BBS5: variants seen among roughly 807,000 people sequenced by gnomAD.
BBS5 encodes BBSome complex member BBS5.
Under a neutral mutation model 50.2 loss-of-function variants are expected in BBS5, and 39 were observed. The ratio of observed to expected loss-of-function variants is 0.78; its 90% CI spans 0.60 to 1.01. The LOEUF (loss-of-function observed/expected upper bound fraction) is 1.01, where lower values mean the gene tolerates loss of function less well. BBS5 is among the 50% of genes least tolerant of loss of function. The pLI, the probability that BBS5 is intolerant of heterozygous loss-of-function variation, is 0.00. For synonymous variants in BBS5, 134 were observed against 133.1 expected, an observed-to-expected ratio of 1.01 and a Z score of -0.05; for missense variants, 356 against 401.5, an observed-to-expected ratio of 0.89 and a Z score of 0.97.
At chr2:169,483,376 G>A (rs928060829) in intron 2 of BBS5, among the ~76,000 whole-genome samples, 18 of 151,838 alleles carry the variant, frequency 1.2e-4, no homozygotes, top group African/African-American at 3.6e-4. Context: ...CATATGTCTC[G>A]AACTCCTGAC....
At chr2:169,489,530 T>A (rs1305603567) in intron 5 of BBS5, among the ~76,000 whole-genome samples, 1 of 151,376 alleles carries the variant, frequency 6.6e-6, no homozygotes, top group African/African-American at 2.4e-5. Flanking sequence ...GGTTTCCAAC[T>A]CCTGGGCTCA....
At chr2:169,493,621 G>A (rs1162808899) in intron 6 of BBS5, 120 bp from the exon 7 acceptor site, 4 of 740,050 alleles carry the variant, frequency 5.4e-6, no homozygotes, top group South Asian at 1.5e-5. Flanking sequence ...GAATGATGAA[G>A]TCATTGATAC....
chr2:169,506,614 A>G lies in BBS5; in HGVS notation c.*2032A>G, dbSNP rs1246558674. On this transcript the variant is annotated 3_prime_UTR_variant, in exon 12 of 12. Coordinates refer to ENST00000295240, the MANE Select transcript of BBS5 (RefSeq NM_152384.3). ...AGTCTTAGTTTTCAGACATTAAGTGACTGTATCATGTTCGGTTTAATAAAG... is the reference window on the plus strand; with the variant it reads ...AGTCTTAGTTTTCAGACATTAAGTGGCTGTATCATGTTCGGTTTAATAAAG... The G allele has an allele frequency of 1.3e-5, 2 of 152,292 alleles. No homozygotes were observed. The highest frequency in any genetic ancestry group is 1.5e-5 in the Non-Finnish European group (1 of 68,102). The allele number at this position is 152,292 out of a possible 1,614,324, so 9.4% of individuals were successfully genotyped here.
At chr2:169,497,442 C>G (rs1683712045) in intron 7 of BBS5, among the ~76,000 whole-genome samples, 185 bp from the exon 8 acceptor site, 1 of 152,096 alleles carries the variant, frequency 6.6e-6, no homozygotes, top group Admixed American at 6.5e-5. Context: ...AGTTTGCCAC[C>G]TATTTTCAGT....
At chr2:169,499,263 T>G in intron 8 of BBS5, 1 of 496,122 alleles carries the variant, frequency 2.0e-6, no homozygotes, top group Non-Finnish European at 3.6e-6. Flanking sequence ...GTTGTCCACA[T>G]GTTGCTGCTT....
intron 2 of BBS5, among the ~76,000 whole-genome samples, chr2:169,485,948 C>T (rs188066516): frequency 6.6e-6 from 1 of 152,324 alleles, no homozygotes; most frequent in East Asian, 1.9e-4. Context: ...TGTAAATAAA[C>T]CTCAGTTATC....
chr2:169,488,601 G>C (rs1683529027), intron 5 of BBS5, among the ~76,000 whole-genome samples: 1 of 152,236 alleles, frequency 6.6e-6, no homozygotes, highest in Non-Finnish European at 1.5e-5. Context: ...CCACTGACCA[G>C]TACCCATCTA....
chr2:169,498,769 T>C (rs1683743232), intron 8 of BBS5, among the ~76,000 whole-genome samples: 1 of 145,882 alleles, frequency 6.9e-6, no homozygotes, highest in Non-Finnish European at 1.5e-5. Flanking sequence ...ATCGCGCCGC[T>C]GCACTCCAGC....
Position 169,505,227 on chromosome 2 carries a change from G to A in BBS5, c.*645G>A, listed in dbSNP as rs917741218. 1.7e-5 allele frequency: 8 copies of A among 483,006 alleles called. No individual in the cohort carries two copies. The highest frequency in any genetic ancestry group is 3.1e-5 in the Non-Finnish European group (8 of 261,258). The allele number at this position is 483,006 out of a possible 1,614,324, so 29.9% of individuals were successfully genotyped here. A position where few individuals can be genotyped will look rare whatever the true frequency, so the allele number is the denominator to read the frequency against. On this transcript the variant is annotated 3_prime_UTR_variant, in exon 12 of 12. Coordinates refer to ENST00000295240, the MANE Select transcript of BBS5 (RefSeq NM_152384.3). ...CAGCCTCGGCCTCCCGAGGTGCCGG[G>A]ATTGCAGACGGAGTCTGGTTCACTT...
At chr2:169,498,552 T>G (rs1159682713) in intron 8 of BBS5, among the ~76,000 whole-genome samples, 1 of 152,138 alleles carries the variant, frequency 6.6e-6, no homozygotes, top group East Asian at 1.9e-4. Flanking sequence ...GCGCAGTGGC[T>G]CATGCTTGTA....
chr2:169,501,711 G>C (rs1279801321), intron 9 of BBS5, among the ~76,000 whole-genome samples: 1 of 151,970 alleles, frequency 6.6e-6, no homozygotes, highest in Non-Finnish European at 1.5e-5. Flanking sequence ...CCATTGCACT[G>C]CAGCAATGAC....
intron 5 of BBS5, among the ~76,000 whole-genome samples, chr2:169,492,133 C>T (rs1288891111): frequency 6.6e-6 from 1 of 151,804 alleles, no homozygotes; most frequent in African/African-American, 2.4e-5. Flanking sequence ...CTGTTTATGT[C>T]CTTTGAAAAA....
chr2:169,482,311 C>T lies in BBS5; in HGVS notation c.120C>T (p.Thr40=). ...LIDCLDSIED[T]KGNNGDRGRL... ...ATTGTTTAGATTCCATTGAAGACAC[C>T]AAAGGAAATAATGGAGATAGAGGTG... is the stretch of plus-strand genomic sequence containing the variant. The change falls in exon 2 of 12, where the codon ACC becomes ACT. Residue 40 remains threonine (T), a synonymous_variant. Coordinates refer to ENST00000295240, the MANE Select transcript of BBS5 (RefSeq NM_152384.3). The T allele has an allele frequency of 6.2e-7, 1 of 1,601,678 alleles. No individual in the cohort carries two copies. Among genetic ancestry groups the T allele is most frequent in the Non-Finnish European group, 8.6e-7 (1 of 1,168,950 alleles).
At chr2:169,496,321 G>A (rs1683690823) in intron 7 of BBS5, among the ~76,000 whole-genome samples, 1 of 152,178 alleles carries the variant, frequency 6.6e-6, no homozygotes, top group African/African-American at 2.4e-5. Context: ...ACATTTACCA[G>A]TTGATGTTAA....
rs1240856821 is a variant in BBS5, at chr2:169,497,603, T to C, written c.619-24T>C. 4.2e-6 allele frequency: 6 copies of C among 1,443,194 alleles called. No individual in the cohort carries two copies. In the East Asian group the frequency reaches 9.1e-5, roughly 22 times the overall value. The allele number at this position is 1,443,194 out of a possible 1,614,324, so 89.4% of individuals were successfully genotyped here. A position where few individuals can be genotyped will look rare whatever the true frequency, so the allele number is the denominator to read the frequency against. On this transcript the variant is annotated intron_variant, in intron 7 of 11. Coordinates refer to ENST00000295240, the MANE Select transcript of BBS5 (RefSeq NM_152384.3). ...ATTCAGTTAATAAAAACTTGCATGT[T>C]TTTCTTTTTCATTTTGTATCTAGCG...
chr2:169,490,523 A>G (rs190521466), intron 5 of BBS5, among the ~76,000 whole-genome samples: 61 of 152,262 alleles, frequency 4.0e-4, no homozygotes, highest in Middle Eastern at 6.8e-3. Context: ...GCAGGAAGCT[A>G]AATTTCTTAA....
rs1011832039 is a variant in BBS5 at position 169,504,854 on chromosome 2, C to G, written c.*272C>G. On this transcript the variant is annotated 3_prime_UTR_variant, in exon 12 of 12. Transcript: ENST00000295240. ...TGAGGGTAGCTGGATTCCTCAGGCC[C>G]GGGCGCTCCTACAGCAGTGCCTGCA... 7.5e-6 allele frequency: 12 copies of G among 1,610,238 alleles called. No individual in the cohort carries two copies. Among genetic ancestry groups the G allele is most frequent in the African/African-American group, 1.3e-5 (1 of 74,792 alleles).
chr2:169,489,817 TA>T (rs140772417), intron 5 of BBS5, among the ~76,000 whole-genome samples: 9,644 of 148,060 alleles, frequency 0.065, 476 homozygotes, highest in South Asian at 0.2. Context: ...ATTTTTCATA[TA>T]TTTTTTGTAT....
In BBS5 at chr2:169,505,079, C is replaced by G. The variant is rs903628735; in HGVS notation, c.*497C>G. The G allele has an allele frequency of 8.0e-6, 10 of 1,247,304 alleles. No individual in the cohort carries two copies. Among genetic ancestry groups the G allele is most frequent in the East Asian group, 2.4e-5 (1 of 42,212 alleles). 77.3% of individuals were successfully genotyped at this position (1,247,304 alleles called of 1,614,324 possible). On this transcript the variant is annotated 3_prime_UTR_variant, in exon 12 of 12. Transcript: ENST00000295240. ...GCCTGATTCTCCTGCCTCAGCCTGC[C>G]GAGTGCCTGCGATTACAGGCGCGCG...
Sources: allele counts gnomAD v4.1 joint callset (sites outside exome capture counted in the v4.1 genomes callset), GRCh38; gene constraint gnomAD v4.1.1; transcripts MANE v1.5; gene names NCBI Gene and HGNC (gene_info 2026-07-23, HGNC 2026-07-21).